TMEM244: variants seen among roughly 807,000 people sequenced by gnomAD.
The protein encoded by TMEM244 is transmembrane protein 244.
In TMEM244, 13 loss-of-function variants were observed where a neutral mutation model predicts 15.8. The ratio of observed to expected loss-of-function variants is 0.82; its 90% CI spans 0.53 to 1.30. The LOEUF (loss-of-function observed/expected upper bound fraction) is 1.30, where lower values mean the gene tolerates loss of function less well. Among genes scored for constraint, TMEM244 ranks in the 50% most tolerant of loss-of-function variants. The probability of loss-of-function intolerance (pLI) is 0.00; values close to 1 mark genes in which losing one functional copy is unlikely to be tolerated. For synonymous variants in TMEM244, 45 were observed against 48.7 expected, an observed-to-expected ratio of 0.92 and a Z score of 0.32; for missense variants, 161 against 144.9, an observed-to-expected ratio of 1.11 and a Z score of -0.57.
chr6:129,847,901 G>A lies in TMEM244; in HGVS notation c.34-2049C>T, dbSNP rs111227793. 6.8e-3 allele frequency among the ~76,000 whole-genome samples: 1,034 copies of A among 151,034 alleles called. 15 individuals are homozygous for A. Among genetic ancestry groups the A allele is most frequent in the African/African-American group, 0.024 (993 of 41,134 alleles). On this transcript the variant is annotated intron_variant, in intron 1 of 4. Transcript: ENST00000368143. ...GCGATTCTCCTTCCTCAGCCTCCCTGGTAGCTGGGATTACAGGCATGCACC... is the reference window on the plus strand; with the variant it reads ...GCGATTCTCCTTCCTCAGCCTCCCTAGTAGCTGGGATTACAGGCATGCACC...
At chr6:129,852,322 G>C (rs1776645981) in intron 1 of TMEM244, among the ~76,000 whole-genome samples, 1 of 152,122 alleles carries the variant, frequency 6.6e-6, no homozygotes. Flanking sequence ...ATCCCTAGGG[G>C]ATGTGGTAAG....
At chr6:129,848,517 T>G (rs1776592222) in intron 1 of TMEM244, among the ~76,000 whole-genome samples, 1 of 152,160 alleles carries the variant, frequency 6.6e-6, no homozygotes, top group African/African-American at 2.4e-5. Context: ...GGAAACTACG[T>G]GTTCCACTTG....
rs199684936 is a variant in TMEM244, at chr6:129,833,586, C to A, written c.194-1G>T. On this transcript the variant is annotated splice_acceptor_variant, in intron 3 of 4. Transcript: ENST00000368143. LOFTEE classifies it high-confidence loss of function. ...GTGACCTCTGTTGAAACTAAAAGAA[C>A]TGCAAATACAAGGAAGAATATAATT... The A allele has an allele frequency of 1.9e-6, 3 of 1,610,478 alleles. No individual in the cohort carries two copies. Among genetic ancestry groups the A allele is most frequent in the Non-Finnish European group, 2.5e-6 (3 of 1,178,620 alleles).
chr6:129,835,989 G>A (rs1181484267), intron 3 of TMEM244, among the ~76,000 whole-genome samples: 4 of 152,202 alleles, frequency 2.6e-5, no homozygotes, highest in African/African-American at 9.6e-5. Context: ...GTAGGGCATA[G>A]TAGAACAAAA....
At chr6:129,844,235 C>A (rs1023373911) in intron 2 of TMEM244, among the ~76,000 whole-genome samples, 1 of 152,150 alleles carries the variant, frequency 6.6e-6, no homozygotes. Flanking sequence ...TTTTGTCCAC[C>A]TTGTCATCTT....
chr6:129,845,881 G>A, intron 1 of TMEM244, 29 bp from the exon 2 acceptor site: 2 of 1,484,730 alleles, frequency 1.3e-6, no homozygotes, highest in Non-Finnish European at 1.9e-6. Flanking sequence ...TGAGGTCCAA[G>A]AGCCTGGGAT....
At position 129,846,390 on chromosome 6, in the gene TMEM244, A is replaced by G. The variant is rs563065780; in HGVS notation, c.34-538T>C. On this transcript the variant is annotated intron_variant, in intron 1 of 4. Transcript: ENST00000368143. ...TAAGACATTTGGAACTATCTTTTTAATTAAATTATAATTTGTGAGACAATA... is the reference window on the plus strand; with the variant it reads ...TAAGACATTTGGAACTATCTTTTTAGTTAAATTATAATTTGTGAGACAATA... 1.1e-3 allele frequency among the ~76,000 whole-genome samples: 164 copies of G among 152,182 alleles called. 1 individual carries two copies. The highest frequency in any genetic ancestry group is 8.2e-4 in the Non-Finnish European group (56 of 68,008).
intron 1 of TMEM244, 94 bp from the exon 2 acceptor site, chr6:129,845,946 A>G: frequency 1.2e-6 from 1 of 839,574 alleles, no homozygotes; most frequent in South Asian, 1.6e-5. Context: ...TGATTACTAG[A>G]TAGTGTTGGC....
intron 1 of TMEM244, among the ~76,000 whole-genome samples, chr6:129,858,953 C>T (rs1347093762): frequency 6.6e-6 from 1 of 152,072 alleles, no homozygotes; most frequent in Non-Finnish European, 1.5e-5. Context: ...CACCACCACA[C>T]CCAGCTAATT....
chr6:129,855,923 C>T (rs1047398327), intron 1 of TMEM244, among the ~76,000 whole-genome samples: 1 of 152,064 alleles, frequency 6.6e-6, no homozygotes, highest in Non-Finnish European at 1.5e-5. Flanking sequence ...TTTAGCCATT[C>T]ATTAACATAT....
At chr6:129,856,428 A>T (rs897491391) in intron 1 of TMEM244, among the ~76,000 whole-genome samples, 1 of 152,172 alleles carries the variant, frequency 6.6e-6, no homozygotes, top group Admixed American at 6.5e-5. Context: ...GGCATTTGTT[A>T]AAAGGATAGA....
chr6:129,853,686 G>A (rs1483219161), intron 1 of TMEM244, among the ~76,000 whole-genome samples: 1 of 152,118 alleles, frequency 6.6e-6, no homozygotes, highest in Non-Finnish European at 1.5e-5. Flanking sequence ...TTGAAATTAA[G>A]AAAAGACTAT....
At chr6:129,861,078 C>T (rs1776801692) in intron 1 of TMEM244, 78 bp downstream of exon 1, 7 of 1,509,212 alleles carry the variant, frequency 4.6e-6, no homozygotes. Flanking sequence ...GACAGAGAGG[C>T]CATTTATAGA....
chr6:129,842,991 A>G (rs1352728787), intron 3 of TMEM244, among the ~76,000 whole-genome samples: 1 of 151,850 alleles, frequency 6.6e-6, no homozygotes, highest in Non-Finnish European at 1.5e-5. Context: ...AGCAAGTTCT[A>G]TACTATTTTG....
chr6:129,835,092 A>T lies in TMEM244; in HGVS notation c.194-1507T>A, dbSNP rs547334365. ...AACAGCATTCTAGTCTCGCTTTTACAGCATAACAGTCATAAGACCTTGTCT... is the reference window on the plus strand; with the variant it reads ...AACAGCATTCTAGTCTCGCTTTTACTGCATAACAGTCATAAGACCTTGTCT... On this transcript the variant is annotated intron_variant, in intron 3 of 4. Transcript: ENST00000368143. 1.5e-3 allele frequency among the ~76,000 whole-genome samples: 227 copies of T among 152,308 alleles called. 2 individuals are homozygous for T. The highest frequency in any genetic ancestry group is 1.6e-3 in the Non-Finnish European group (112 of 68,024).
intron 3 of TMEM244, among the ~76,000 whole-genome samples, chr6:129,837,255 G>A (rs765399442): frequency 7.2e-5 from 11 of 152,200 alleles, no homozygotes; most frequent in Non-Finnish European, 1.3e-4. Flanking sequence ...CCAGAAAAGA[G>A]TGGGGGCCAA....
At chr6:129,851,159 C>T (rs1776633172) in intron 1 of TMEM244, among the ~76,000 whole-genome samples, 2 of 152,126 alleles carry the variant, frequency 1.3e-5, no homozygotes, top group Non-Finnish European at 2.9e-5. Flanking sequence ...GCTCATGTGG[C>T]CTATATGTGG....
intron 3 of TMEM244, among the ~76,000 whole-genome samples, chr6:129,835,584 C>A (rs574880897): frequency 6.6e-6 from 1 of 152,146 alleles, no homozygotes; most frequent in East Asian, 1.9e-4. Context: ...GGAGGGCAAG[C>A]TGAAGCAGGG....
rs540021049 is a variant in TMEM244, at chr6:129,836,941, T to C, written c.194-3356A>G. Among the ~76,000 whole-genome samples the C allele has an allele frequency of 3.3e-5, 5 of 152,258 alleles. No homozygotes were observed. In the East Asian group the frequency reaches 9.7e-4, roughly 29 times the overall value. ...TAGGACTGTGTGAAAAGACCAAATA[T>C]ACATTTGGTGGGTGTACCTGAAAGT... On this transcript the variant is annotated intron_variant, in intron 3 of 4. Coordinates refer to ENST00000368143, the MANE Select transcript of TMEM244 (RefSeq NM_001010876.2).
Sources: gnomAD v4.1 joint callset for allele counts (sites outside exome capture counted in the v4.1 genomes callset) on GRCh38, gnomAD v4.1.1 for gene constraint, MANE v1.5 for transcripts, NCBI Gene and HGNC (gene_info 2026-07-23, HGNC 2026-07-21) for gene names.